MSLN: variants seen among roughly 807,000 people sequenced by gnomAD.
The protein encoded by MSLN is mesothelin, also known as CAK1 antigen.
A neutral mutation model predicts 72.6 loss-of-function variants in MSLN; 82 were observed. The ratio of observed to expected loss-of-function variants is 1.13; its 90% CI spans 0.94 to 1.36. The LOEUF is 1.36. MSLN is among the 40% of genes most tolerant of loss of function. MSLN has a pLI of 0.00. For synonymous variants in MSLN, 456 were observed against 387.3 expected, an observed-to-expected ratio of 1.18 and a Z score of -2.08; for missense variants, 1,005 against 847.9, an observed-to-expected ratio of 1.19 and a Z score of -2.30.
rs766991033 is a variant in MSLN, at chr16:765,021, G to T, written c.495G>T (p.Ala165=). 2 of 1,611,712 alleles carry T rather than the reference G, an allele frequency of 1.2e-6. No homozygotes were observed. Among genetic ancestry groups the T allele is most frequent in the Non-Finnish European group, 1.7e-6 (2 of 1,179,496 alleles). The change falls in exon 8 of 18, where the codon GCG becomes GCT. Residue 165 remains alanine, a synonymous_variant. Transcript: ENST00000545450. Reference sequence around the variant, plus strand: ...CCGAGCGACAGCGGCTGCTGCCTGCGGCTCTGGCCTGCTGGGTAGGGGCTG... The same window carrying T: ...CCGAGCGACAGCGGCTGCTGCCTGCTGCTCTGGCCTGCTGGGTAGGGGCTG... ...GAPERQRLLP[A]ALACWGVRGS...
Position 765,597 on chromosome 16 carries a change from A to G in MSLN, c.775A>G (p.Ile259Val), listed in dbSNP as rs762073981. The G allele has an allele frequency of 1.9e-5, 30 of 1,604,730 alleles. No individual in the cohort carries two copies. In the South Asian group the frequency reaches 3.0e-4, roughly 16 times the overall value. The change falls in exon 10 of 18, where the codon ATC (isoleucine) becomes GTC (valine). Residue 259 changes from isoleucine to valine, a missense_variant. Physicochemically the swap from Ile to Val is conservative, Grantham distance 29. Transcript: ENST00000545450. Reference sequence around the variant, plus strand: ...CCTGCTGCCCGTGCTGGGCCAGCCCATCATCCGCAGCATCCCGCAGGTGAG... The same window carrying G: ...CCTGCTGCCCGTGCTGGGCCAGCCCGTCATCCGCAGCATCCCGCAGGTGAG... ...RGLLPVLGQP[I>V]IRSIPQGIVA...
At position 765,273 on chromosome 16, in the gene MSLN, C is replaced by T. The variant is rs746914426; in HGVS notation, c.674C>T (p.Ala225Val). ...LDQDQQEAAR[A>V]ALQGGGPPYG... Reference sequence around the variant, plus strand: ...CAGGACCAGCAGGAGGCAGCCAGGGCGGCTCTGCAGGGCGGGGGACCCCCC... The same window carrying T: ...CAGGACCAGCAGGAGGCAGCCAGGGTGGCTCTGCAGGGCGGGGGACCCCCC... Residue 225 changes from alanine to valine, a missense_variant, in exon 9 of 18, where the codon GCG becomes GTG. Coordinates refer to ENST00000545450, the MANE Select transcript of MSLN (RefSeq NM_005823.6). The T allele has an allele frequency of 3.5e-5, 55 of 1,583,984 alleles. No individual in the cohort carries two copies. The highest frequency in any genetic ancestry group is 9.4e-5 in the African/African-American group (7 of 74,676).
At chr16:764,589 G>C in intron 6 of MSLN, 58 bp from the exon 7 acceptor site, 1 of 1,444,108 alleles carries the variant, frequency 6.9e-7, no homozygotes, top group East Asian at 2.3e-5. Flanking sequence ...AGGCGACCCT[G>C]GCCCACCATG....
Position 762,702 on chromosome 16 carries a change from C to T in MSLN, c.22C>T (p.Pro8Ser). Residue 8 changes from proline (P) to serine (S), a missense_variant, in exon 3 of 18, where the codon CCC becomes TCC. By Grantham distance (74) the Pro-to-Ser change is moderately conservative. Transcript: ENST00000545450. Reference protein sequence around the residue: MALPTARPLLGSCGTPAL... With the variant: MALPTARSLLGSCGTPAL... ...GACCATGGCCTTGCCAACGGCTCGA[C>T]CCCTGTTGGGGTCCTGTGGGACCCC... 6.2e-7 allele frequency: 1 copy of T among 1,611,442 alleles called. No homozygotes were observed. The highest frequency in any genetic ancestry group is 8.5e-7 in the Non-Finnish European group (1 of 1,179,284).
At chr16:766,268 G>C in intron 12 of MSLN, 31 bp downstream of exon 12, 1 of 1,608,814 alleles carries the variant, frequency 6.2e-7, no homozygotes, top group Non-Finnish European at 8.5e-7. Flanking sequence ...CCACCGGCCT[G>C]CTGTGTCCAA....
At position 765,720 on chromosome 16, in the gene MSLN, C is replaced by G; in HGVS notation, c.825C>G (p.Ser275=). Residue 275 remains serine, a synonymous_variant, in exon 11 of 18, where the codon TCC becomes TCG. Coordinates refer to ENST00000545450, the MANE Select transcript of MSLN (RefSeq NM_005823.6). ...TCGTGGCCGCGTGGCGGCAACGCTC[C>G]TCTCGGGACCCATCCTGGCGGCAGC... ...QGIVAAWRQR[S]SRDPSWRQPE... The G allele has an allele frequency of 6.2e-7, 1 of 1,601,016 alleles. No homozygotes were observed.
At chr16:763,129 G>C (rs1213980616) in intron 3 of MSLN, 104 bp from the exon 4 acceptor site, 2 of 734,532 alleles carry the variant, frequency 2.7e-6, no homozygotes, top group African/African-American at 3.6e-5. Flanking sequence ...GTGTGCACAG[G>C]GCTGGCTGTG....
chr16:763,407 G>A (rs2041561382), intron 4 of MSLN, 131 bp downstream of exon 4: 1 of 903,608 alleles, frequency 1.1e-6, no homozygotes, highest in South Asian at 1.6e-5. Context: ...GGGGCACCTG[G>A]ACCTGCATGT....
At position 764,654 on chromosome 16, in the gene MSLN, G is replaced by A. The variant is rs965678529; in HGVS notation, c.308G>A (p.Cys103Tyr). The A allele has an allele frequency of 3.7e-6, 6 of 1,612,282 alleles. No homozygotes were observed. The African/African-American group carries it at 5.3e-5, about 14-fold the overall frequency. The change falls in exon 7 of 18, where the codon TGT (cysteine) becomes TAT (tyrosine). Residue 103 changes from cysteine (C) to tyrosine (Y), a missense_variant. Physicochemically the swap from Cys to Tyr is radical, Grantham distance 194. Transcript: ENST00000545450. ...GACTCCCTGCCCCTGCAGCTGCGCT[G>A]TCTGGCTCACCGGCTCTCTGAGCCC... is the stretch of plus-strand genomic sequence containing the variant. ...NVKLSTEQLR[C>Y]LAHRLSEPPE...
At chr16:767,311 C>G in intron 15 of MSLN, 65 bp from the exon 16 acceptor site, 7 of 1,434,612 alleles carry the variant, frequency 4.9e-6, no homozygotes, top group Non-Finnish European at 6.9e-6. Context: ...CTTCCTGCAG[C>G]CTGTGGTCAA....
chr16:764,925 G>A lies in MSLN; in HGVS notation c.399G>A (p.Gly133=), dbSNP rs1403124116. The change falls in exon 8 of 18, where the codon GGG becomes GGA. Residue 133 remains glycine (G), a synonymous_variant. Transcript: ENST00000545450. ...LLFLNPDAFS[G]PQACTRFFSR... is the part of the protein sequence containing the mutation. ...TTCACAGCCCAGATGCGTTCTCGGG[G>A]CCCCAGGCCTGCACCCGTTTCTTCT... The A allele has an allele frequency of 6.2e-7, 1 of 1,611,950 alleles. No homozygotes were observed. The highest frequency in any genetic ancestry group is 8.5e-7 in the Non-Finnish European group (1 of 1,179,612).
chr16:765,412 C>T, intron 9 of MSLN, 109 bp downstream of exon 9: 3 of 1,408,780 alleles, frequency 2.1e-6, no homozygotes, highest in Non-Finnish European at 2.8e-6. Context: ...ACCCCCGCCA[C>T]CACCCCTGCC....
chr16:765,293 C>A lies in MSLN; in HGVS notation c.694C>A (p.Pro232Thr), dbSNP rs773595716. 2.5e-6 allele frequency: 4 copies of A among 1,575,412 alleles called. No individual in the cohort carries two copies. The highest frequency in any genetic ancestry group is 1.8e-5 in the Admixed American group (1 of 56,672). The stretch of plus-strand genomic sequence containing the variant: ...CAGGGCGGCTCTGCAGGGCGGGGGA[C>A]CCCCCTACGGGTAAGTGAAGGTGTC... ...AARAALQGGG[P>T]PYGPPSTWSV... The change falls in exon 9 of 18, where the codon CCC (proline) becomes ACC (threonine). Residue 232 changes from proline to threonine, a missense_variant. Transcript: ENST00000545450.
rs1365017031 is a variant in MSLN at position 768,447 on chromosome 16, G to C, written c.1665G>C (p.Arg555=). 2 of 1,536,040 alleles carry C rather than the reference G, an allele frequency of 1.3e-6. No homozygotes were observed. Among genetic ancestry groups the C allele is most frequent in the Non-Finnish European group, 1.8e-6 (2 of 1,137,970 alleles). The stretch of plus-strand genomic sequence containing the variant: ...TGGAGGGCCTGAAGGCGGAGGAGCG[G>C]CACCGCCCGGTGCGGGACTGGATCC... ...PHVEGLKAEE[R]HRPVRDWILR... The change falls in exon 17 of 18, where the codon CGG becomes CGC. Residue 555 remains arginine (R), a synonymous_variant. Transcript: ENST00000545450.
chr16:762,701 A>G lies in MSLN; in HGVS notation c.21A>G (p.Arg7=). 1 of 1,610,848 alleles carries G rather than the reference A, an allele frequency of 6.2e-7. No homozygotes were observed. Residue 7 remains arginine (R), a synonymous_variant, in exon 3 of 18, where the codon CGA becomes CGG. Transcript: ENST00000545450. ...AGACCATGGCCTTGCCAACGGCTCG[A>G]CCCCTGTTGGGGTCCTGTGGGACCC... is the stretch of plus-strand genomic sequence containing the variant. The part of the protein sequence containing the change: MALPTA[R]PLLGSCGTPA...
Position 765,416 on chromosome 16 carries a change from C to T in MSLN, c.705-111C>T, listed in dbSNP as rs558569831. 156 of 1,411,704 alleles carry T rather than the reference C, an allele frequency of 1.1e-4. No homozygotes were observed. The African/African-American group carries it at 2.0e-3, about 18-fold the overall frequency. 87.4% of individuals were successfully genotyped at this position (1,411,704 alleles called of 1,614,324 possible). A position where few individuals can be genotyped will look rare whatever the true frequency, so the allele number is the denominator to read the frequency against. On this transcript the variant is annotated intron_variant, in intron 9 of 17. Transcript: ENST00000545450. ...CAGGGTCAGTCACCCCCGCCACCAC[C>T]CCTGCCAATGCCCCCAGCGTCCCCT...
intron 1 of MSLN, 41 bp from the exon 2 acceptor site, chr16:761,032 G>A (rs1054154106): frequency 3.9e-5 from 6 of 152,276 alleles, no homozygotes; most frequent in African/African-American, 9.6e-5. Context: ...ATTGGCCCGC[G>A]ATCTGAAAGG....
rs199983505 is a variant in MSLN at position 766,794 on chromosome 16, C to A, written c.1357C>A (p.Pro453Thr). The A allele has an allele frequency of 2.2e-5, 36 of 1,612,244 alleles. No individual in the cohort carries two copies. Among genetic ancestry groups the A allele is most frequent in the East Asian group, 4.5e-5 (2 of 44,878 alleles). ...CAGCCCCGAGGAGCTGAGCTCCGTG[C>A]CCCCCAGCAGCATCTGGTGAGTCCC... ...SLSPEELSSV[P>T]PSSIWAVRPQ... The change falls in exon 14 of 18, where the codon CCC becomes ACC. Residue 453 changes from proline (P) to threonine (T), a missense_variant. Transcript: ENST00000545450.
In MSLN at chr16:765,045, TG is replaced by T. The variant is rs2041586721; in HGVS notation, c.510+13del. 6.2e-7 allele frequency: 1 copy of T among 1,610,742 alleles called. No individual in the cohort carries two copies. Among genetic ancestry groups the T allele is most frequent in the Admixed American group, 1.7e-5 (1 of 59,916 alleles). ...CGGCTCTGGCCTGCTGGGTAGGGGC[TG>T]GGGCCAGCGCGGGGCGGAGAGGGCT... On this transcript the variant is annotated intron_variant, in intron 8 of 17. Transcript: ENST00000545450.
Sources: allele counts gnomAD v4.1 joint callset, GRCh38; gene constraint gnomAD v4.1.1; transcripts MANE v1.5; gene names NCBI Gene and HGNC (gene_info 2026-07-23, HGNC 2026-07-21).